Variants in CPQ observed in about 807,000 individuals in gnomAD.
CPQ encodes the protein carboxypeptidase Q.
CPQ carries 37 observed loss-of-function variants against 45.7 expected under a neutral mutation model. The observed-to-expected ratio is 0.81, with a 90% CI of 0.62 to 1.07. CPQ has a LOEUF of 1.07. CPQ is among the 50% of genes least tolerant of loss of function. The pLI is 0.00. For missense variants in CPQ, 537 were observed against 572.9 expected (o/e 0.94, Z 0.64); for synonymous variants, 186 against 205.8 (o/e 0.90, Z 0.82).
At chr8:96,764,964 T>C (rs1810448618) in intron 1 of CPQ, among the ~76,000 whole-genome samples, 1 of 152,240 alleles carries the variant, frequency 6.6e-6, no homozygotes. Flanking sequence ...CTCCCCCAAC[T>C]GCGTTTGAAA....
intron 7 of CPQ, among the ~76,000 whole-genome samples, chr8:97,102,449 T>TCAA (rs2130581948): frequency 6.6e-6 from 1 of 152,284 alleles, no homozygotes; most frequent in South Asian, 2.1e-4. Flanking sequence ...TTCTCGCTAT[T>TCAA]CAACAGGCAA....
intron 4 of CPQ, among the ~76,000 whole-genome samples, chr8:96,886,925 G>C (rs1812313453): frequency 6.6e-6 from 1 of 152,118 alleles, no homozygotes; most frequent in Non-Finnish European, 1.5e-5. Flanking sequence ...AGTTTCCTTA[G>C]AGCACCCCTG....
chr8:96,971,403 T>C (rs928359476), intron 5 of CPQ, among the ~76,000 whole-genome samples: 6 of 152,256 alleles, frequency 3.9e-5, no homozygotes, highest in African/African-American at 1.4e-4. Flanking sequence ...CGTAGTATTA[T>C]TGGAAATATT....
intron 7 of CPQ, 22 bp downstream of exon 7, chr8:97,066,232 G>GT: frequency 6.3e-7 from 1 of 1,599,048 alleles, no homozygotes; most frequent in Non-Finnish European, 8.5e-7. Context: ...AGATGAAGTT[G>GT]TGTTCCTTAT....
chr8:96,997,577 TA>T (rs936869415), intron 5 of CPQ, among the ~76,000 whole-genome samples: 8 of 151,626 alleles, frequency 5.3e-5, no homozygotes, highest in East Asian at 3.9e-4. Flanking sequence ...ATCTTTGACA[TA>T]AAAAAAAATT....
chr8:97,026,207 G>C (rs1199868003), intron 5 of CPQ, among the ~76,000 whole-genome samples: 2 of 152,246 alleles, frequency 1.3e-5, no homozygotes, highest in Non-Finnish European at 2.9e-5. Context: ...GTGGTGGAGA[G>C]AGAAGCTAAT....
chr8:97,009,735 A>C (rs73281723), intron 5 of CPQ, among the ~76,000 whole-genome samples: 458 of 152,280 alleles, frequency 3.0e-3, no homozygotes, highest in African/African-American at 9.9e-3. Flanking sequence ...TCTGTCAGAC[A>C]GTCTAGTGAG....
intron 3 of CPQ, among the ~76,000 whole-genome samples, chr8:96,848,450 T>A (rs1811728489): frequency 6.6e-6 from 1 of 152,250 alleles, no homozygotes; most frequent in Admixed American, 6.5e-5. Flanking sequence ...CTTGTTTTGA[T>A]TAAATAACTA....
At chr8:96,678,053 C>A (rs1809098712) in intron 1 of CPQ, among the ~76,000 whole-genome samples, 1 of 152,070 alleles carries the variant, frequency 6.6e-6, no homozygotes. Context: ...ATACCCCTAC[C>A]CTGCTGTTTT....
intron 1 of CPQ, among the ~76,000 whole-genome samples, chr8:96,721,266 G>A (rs1299948344): frequency 1.3e-5 from 2 of 151,850 alleles, no homozygotes; most frequent in Non-Finnish European, 2.9e-5. Context: ...TTGGACTCTA[G>A]CTCACTTTAC....
chr8:96,895,482 C>T (rs1478817005), intron 4 of CPQ, among the ~76,000 whole-genome samples: 1 of 152,006 alleles, frequency 6.6e-6, no homozygotes, highest in Non-Finnish European at 1.5e-5. Flanking sequence ...ATTTACTTAA[C>T]CTGGTATTAG....
intron 1 of CPQ, among the ~76,000 whole-genome samples, chr8:96,758,260 A>G (rs1248122425): frequency 2.6e-5 from 4 of 152,210 alleles, no homozygotes; most frequent in Non-Finnish European, 4.4e-5. Context: ...GAAAGTTCCC[A>G]TAAGACTGAT....
At chr8:96,944,296 G>A (rs1368209287) in intron 4 of CPQ, among the ~76,000 whole-genome samples, 1 of 152,114 alleles carries the variant, frequency 6.6e-6, no homozygotes, top group Non-Finnish European at 1.5e-5. Context: ...TGGGTTGAGA[G>A]CTGCAGCCTC....
chr8:96,876,632 A>G (rs1812148444), intron 3 of CPQ, among the ~76,000 whole-genome samples: 1 of 152,192 alleles, frequency 6.6e-6, no homozygotes, highest in Admixed American at 6.5e-5. Context: ...TGATTTTATC[A>G]TAAAAAAGTG....
intron 4 of CPQ, among the ~76,000 whole-genome samples, chr8:96,893,047 T>G (rs1812398120): frequency 6.6e-6 from 1 of 152,140 alleles, no homozygotes. Flanking sequence ...ACCACAACCT[T>G]GTCAAACAAG....
chr8:96,957,426 T>C lies in CPQ; in HGVS notation c.850-8509T>C, dbSNP rs117209446. On this transcript the variant is annotated intron_variant, in intron 4 of 7. Coordinates refer to ENST00000220763, the MANE Select transcript of CPQ (RefSeq NM_016134.4). Reference sequence around the variant, plus strand: ...AATTTAAGTTAAAGCCTGTTTCTTTTGGTAGGAAGCACCTTGACTCCCATT... The same window carrying C: ...AATTTAAGTTAAAGCCTGTTTCTTTCGGTAGGAAGCACCTTGACTCCCATT... 9.7e-4 allele frequency among the ~76,000 whole-genome samples: 148 copies of C among 152,318 alleles called. 4 individuals are homozygous for C. In the East Asian group the frequency reaches 0.027, roughly 28 times the overall value.
intron 7 of CPQ, among the ~76,000 whole-genome samples, chr8:97,129,068 G>A (rs1327076672): frequency 6.6e-6 from 1 of 152,174 alleles, no homozygotes; most frequent in Non-Finnish European, 1.5e-5. Flanking sequence ...CACCAGGCAT[G>A]TGGGTCTGAA....
At chr8:97,137,619 C>T (rs1199583290) in intron 7 of CPQ, among the ~76,000 whole-genome samples, 2 of 152,212 alleles carry the variant, frequency 1.3e-5, no homozygotes, top group Admixed American at 1.3e-4. Flanking sequence ...CCTGGGTGTG[C>T]TGTGAGTTCA....
intron 7 of CPQ, among the ~76,000 whole-genome samples, chr8:97,101,572 CTTTTTTT>C (rs5893410): frequency 7.0e-5 from 8 of 114,204 alleles, no homozygotes; most frequent in Non-Finnish European, 1.4e-4. Flanking sequence ...TTTCTTTTTT[CTTTTTTT>C]TTTTTTTTTT....
Sources: gnomAD v4.1 joint callset for allele counts (sites outside exome capture counted in the v4.1 genomes callset) on GRCh38, gnomAD v4.1.1 for gene constraint, MANE v1.5 for transcripts, NCBI Gene and HGNC (gene_info 2026-07-23, HGNC 2026-07-21) for gene names.